Variants in USP48 observed in about 807,000 individuals in gnomAD.
USP48 encodes the protein ubiquitin specific peptidase 48.
In USP48, 43 loss-of-function variants were observed where a neutral mutation model predicts 150.7. The ratio of observed to expected loss-of-function variants is 0.29; its 90% CI spans 0.22 to 0.37. The LOEUF is 0.37. USP48 is among the 10% of genes least tolerant of loss of function. USP48 has a pLI of 1.00. For synonymous variants in USP48, 396 were observed against 425.9 expected (o/e 0.93, Z 0.86); for missense variants, 813 against 1,249.6 (o/e 0.65, Z 5.27).
At chr1:21,742,838 T>C (rs1012084136) in intron 8 of USP48, among the ~76,000 whole-genome samples, 1 of 152,088 alleles carries the variant, frequency 6.6e-6, no homozygotes, top group African/African-American at 2.4e-5. Context: ...GGAATCCCCA[T>C]AAATAATTCT....
At chr1:21,679,460 G>T (rs563078410) in intron 26 of USP48, 21 bp from the exon 27 acceptor site, 3 of 1,613,830 alleles carry the variant, frequency 1.9e-6, no homozygotes, top group African/African-American at 2.7e-5. Context: ...AAACACACGT[G>T]GAGGGATAGT....
chr1:21,701,376 A>C (rs2097656225), intron 22 of USP48, 122 bp downstream of exon 22: 1 of 720,756 alleles, frequency 1.4e-6, no homozygotes, highest in South Asian at 1.9e-5. Context: ...AAAAAAAAAA[A>C]AAAAAGAAAA....
intron 3 of USP48, among the ~76,000 whole-genome samples, chr1:21,756,263 T>C (rs1053521843): frequency 4.6e-5 from 7 of 151,498 alleles, no homozygotes; most frequent in South Asian, 2.1e-4. Flanking sequence ...GCCACATCAC[T>C]TGAGGTCAGG....
At chr1:21,777,934 T>C (rs2097903763) in intron 1 of USP48, among the ~76,000 whole-genome samples, 1 of 144,818 alleles carries the variant, frequency 6.9e-6, no homozygotes, top group Non-Finnish European at 1.5e-5. Context: ...GAGACCAGCC[T>C]GGCCAGCATA....
intron 8 of USP48, among the ~76,000 whole-genome samples, chr1:21,740,645 T>A (rs1217095950): frequency 6.8e-6 from 1 of 147,770 alleles, no homozygotes; most frequent in South Asian, 2.1e-4. Context: ...AACACACACA[T>A]GTCACATCAC....
At chr1:21,775,667 T>C (rs6668648) in intron 1 of USP48, among the ~76,000 whole-genome samples, 5,039 of 152,306 alleles carry the variant, frequency 0.033, 297 homozygotes, top group African/African-American at 0.11. Context: ...GTAATAGTCA[T>C]ATGATGTTTC....
chr1:21,772,968 A>G (rs1340781226), intron 1 of USP48, among the ~76,000 whole-genome samples: 1 of 150,976 alleles, frequency 6.6e-6, no homozygotes, highest in Non-Finnish European at 1.5e-5. Context: ...GAAAGAAAAA[A>G]GAAATATTCG....
chr1:21,722,788 T>C (rs1220063764), intron 12 of USP48, among the ~76,000 whole-genome samples: 2 of 151,694 alleles, frequency 1.3e-5, no homozygotes, highest in African/African-American at 4.8e-5. Flanking sequence ...TGAGCTGTGA[T>C]TGCACCACTG....
At chr1:21,683,291 C>T (rs891902232) in intron 25 of USP48, among the ~76,000 whole-genome samples, 5 of 152,084 alleles carry the variant, frequency 3.3e-5, no homozygotes, top group Non-Finnish European at 7.4e-5. Flanking sequence ...AATATTTGTA[C>T]ATATTTATGG....
At chr1:21,701,301 C>T (rs2097655775) in intron 22 of USP48, among the ~76,000 whole-genome samples, 197 bp downstream of exon 22, 1 of 143,848 alleles carries the variant, frequency 7.0e-6, no homozygotes, top group African/African-American at 2.6e-5. Context: ...AGGAGGCGGA[C>T]ATTGTGGTGA....
chr1:21,696,263 A>AC (rs1280385715), intron 22 of USP48, among the ~76,000 whole-genome samples: 9 of 151,722 alleles, frequency 5.9e-5, no homozygotes, highest in South Asian at 4.2e-4. Flanking sequence ...AAATGGAGAA[A>AC]CCCCCCTCTC....
rs567128399 is a variant in USP48 at position 21,723,352 on chromosome 1, TCTA to T, written c.1648+543_1648+545del. Among the ~76,000 whole-genome samples, 38 of 152,060 alleles carry T rather than the reference TCTA, an allele frequency of 2.5e-4. 1 individual carries two copies. In the South Asian group the frequency reaches 7.7e-3, roughly 31 times the overall value. On this transcript the variant is annotated intron_variant, in intron 12 of 26. Transcript: ENST00000308271. ...CTGGGCAACACAGTGAAACCCCGTC[TCTA>T]CTAAAAATACAAAAATTAGCTGGGC...
rs146558502 is a variant in USP48, at chr1:21,732,086, T to C, written c.1172-2254A>G. Among the ~76,000 whole-genome samples the C allele has an allele frequency of 4.1e-3, 630 of 152,264 alleles. 5 individuals are homozygous for C. Among genetic ancestry groups the C allele is most frequent in the African/African-American group, 0.014 (583 of 41,556 alleles). ...TGAGATCAGGAATTCGAAACCAGTC[T>C]GGCCAACGTGGTGAAACCCCATCTC... is the stretch of plus-strand genomic sequence containing the variant. On this transcript the variant is annotated intron_variant, in intron 9 of 26. Coordinates refer to ENST00000308271, the MANE Select transcript of USP48 (RefSeq NM_032236.8).
chr1:21,717,141 G>A (rs1200295476), intron 14 of USP48, among the ~76,000 whole-genome samples: 4 of 152,048 alleles, frequency 2.6e-5, no homozygotes, highest in African/African-American at 9.7e-5. Context: ...AGTGGCTCAC[G>A]CTTGTAATCC....
At chr1:21,777,224 A>G (rs1242768599) in intron 1 of USP48, among the ~76,000 whole-genome samples, 2 of 152,098 alleles carry the variant, frequency 1.3e-5, no homozygotes, top group African/African-American at 2.4e-5. Flanking sequence ...TGGGAGGCAG[A>G]GGTTGCATTG....
intron 22 of USP48, among the ~76,000 whole-genome samples, chr1:21,700,417 C>A (rs1374540058): frequency 6.6e-6 from 1 of 152,120 alleles, no homozygotes; most frequent in African/African-American, 2.4e-5. Flanking sequence ...TTATTTTGGG[C>A]ACACCAAGAT....
chr1:21,752,317 C>T (rs551931055), intron 5 of USP48, among the ~76,000 whole-genome samples: 5 of 152,168 alleles, frequency 3.3e-5, no homozygotes, highest in Non-Finnish European at 7.3e-5. Context: ...CAAGAGCTCA[C>T]CCAGACACCG....
At chr1:21,742,608 AAAAG>A (rs2097784834) in intron 8 of USP48, among the ~76,000 whole-genome samples, 1 of 150,374 alleles carries the variant, frequency 6.7e-6, no homozygotes, top group South Asian at 2.1e-4. Context: ...GAAAAAAAGA[AAAAG>A]AAAACTCCTG....
chr1:21,763,438 A>G (rs1244575347), intron 1 of USP48, among the ~76,000 whole-genome samples: 3 of 152,204 alleles, frequency 2.0e-5, no homozygotes, highest in African/African-American at 7.2e-5. Flanking sequence ...AATTGTTGCT[A>G]AGCCTTTCAT....
Sources: gnomAD v4.1 joint callset for allele counts (sites outside exome capture counted in the v4.1 genomes callset) on GRCh38, gnomAD v4.1.1 for gene constraint, MANE v1.5 for transcripts, NCBI Gene and HGNC (gene_info 2026-07-23, HGNC 2026-07-21) for gene names.